PCYT1A: variants seen among roughly 807,000 people sequenced by gnomAD.
The protein encoded by PCYT1A is phosphate cytidylyltransferase 1A, choline, also known as choline-phosphate cytidylyltransferase A.
In PCYT1A, 25 loss-of-function variants were observed where a neutral mutation model predicts 43.7. The observed-to-expected ratio is 0.57, with a 90% CI of 0.42 to 0.80. The LOEUF is 0.80. Among genes scored for constraint, PCYT1A ranks in the 30% least tolerant of loss-of-function variants. PCYT1A has a pLI of 0.00. For synonymous variants in PCYT1A, 172 were observed against 170.7 expected (o/e 1.01, Z -0.06); for missense variants, 421 against 474.2 (o/e 0.89, Z 1.04).
rs539195184 is a variant in PCYT1A at position 196,243,678 on chromosome 3, C to T, written c.487-1038G>A. 9.7e-3 allele frequency among the ~76,000 whole-genome samples: 1,484 copies of T among 152,342 alleles called. 18 individuals are homozygous for T. The highest frequency in any genetic ancestry group is 0.032 in the African/African-American group (1,344 of 41,578). On this transcript the variant is annotated intron_variant, in intron 5 of 8. Transcript: ENST00000431016. ...CCTGCCCAGTGCCTGCCATTGCAGG[C>T]GCACGCCGCCACGCCTGACTGGTTT...
chr3:196,271,343 T>C (rs181060605), intron 1 of PCYT1A, among the ~76,000 whole-genome samples: 1 of 152,360 alleles, frequency 6.6e-6, no homozygotes, highest in East Asian at 1.9e-4. Context: ...AAAAGTTCTA[T>C]AGATTTCAGT....
intron 3 of PCYT1A, among the ~76,000 whole-genome samples, chr3:196,255,797 G>T (rs1041269384): frequency 6.6e-6 from 1 of 152,186 alleles, no homozygotes; most frequent in African/African-American, 2.4e-5. Flanking sequence ...ACTGGATAAT[G>T]CAACCCATCA....
At chr3:196,280,127 G>A (rs555482836) in intron 1 of PCYT1A, among the ~76,000 whole-genome samples, 38 of 152,198 alleles carry the variant, frequency 2.5e-4, no homozygotes, top group Admixed American at 1.4e-3. Flanking sequence ...CACCGCACCC[G>A]GCCTATCCAA....
At chr3:196,267,266 C>A in intron 2 of PCYT1A, 1 of 454,486 alleles carries the variant, frequency 2.2e-6, no homozygotes, top group South Asian at 1.6e-5. Context: ...AAGCCAGCCC[C>A]AAAGACCACA....
intron 3 of PCYT1A, among the ~76,000 whole-genome samples, chr3:196,254,998 T>A (rs1658425695): frequency 6.6e-6 from 1 of 152,230 alleles, no homozygotes; most frequent in Non-Finnish European, 1.5e-5. Context: ...ATATTTGTTT[T>A]TCTCTAAGTA....
In PCYT1A at chr3:196,239,676, C is replaced by A; in HGVS notation, c.768G>T (p.Val256=). 6.2e-7 allele frequency: 1 copy of A among 1,611,856 alleles called. No individual in the cohort carries two copies. The highest frequency in any genetic ancestry group is 8.5e-7 in the Non-Finnish European group (1 of 1,177,932). The change falls in exon 8 of 9, where the codon GTG becomes GTT. Residue 256 remains valine, a synonymous_variant. Transcript: ENST00000431016. ...GAACAAATTCTTTTGACTTTTCCTC[C>A]ACATCTTTCACTTTCTTCTTTACTT... ...VDKVKKKVKD[V]EEKSKEFVQK...
Position 196,268,892 on chromosome 3 carries a change from C to T in PCYT1A, c.117+1523G>A, listed in dbSNP as rs978381279. Among the ~76,000 whole-genome samples the T allele has an allele frequency of 6.6e-6, 1 of 152,024 alleles. No homozygotes were observed. Among genetic ancestry groups the T allele is most frequent in the African/African-American group, 2.4e-5 (1 of 41,384 alleles). Reference sequence around the variant, plus strand: ...ATTATTCTGGTTTATCTGGGTATACCGAACGTAATCACAAGAGTCCTTGTA... The same window carrying T: ...ATTATTCTGGTTTATCTGGGTATACTGAACGTAATCACAAGAGTCCTTGTA... On this transcript the variant is annotated intron_variant, in intron 2 of 8. Coordinates refer to ENST00000431016, the MANE Select transcript of PCYT1A (RefSeq NM_001312673.2). The surrounding 1 kb of genome is among the most constrained non-coding windows in gnomAD (Gnocchi z 4.4).
At chr3:196,262,188 A>G (rs371088865) in intron 2 of PCYT1A, among the ~76,000 whole-genome samples, 1 of 152,314 alleles carries the variant, frequency 6.6e-6, no homozygotes, top group African/African-American at 2.4e-5. Context: ...ACTATCTGGT[A>G]GTGAGGTATA....
chr3:196,262,814 T>C (rs1725155015), intron 2 of PCYT1A, among the ~76,000 whole-genome samples: 1 of 150,842 alleles, frequency 6.6e-6, no homozygotes, highest in South Asian at 2.1e-4. Flanking sequence ...CTTTTTTTTG[T>C]GAGACAGTCT....
chr3:196,264,807 T>C lies in PCYT1A; in HGVS notation c.117+5608A>G, dbSNP rs140886037. On this transcript the variant is annotated intron_variant, in intron 2 of 8. Coordinates refer to ENST00000431016, the MANE Select transcript of PCYT1A (RefSeq NM_001312673.2). The stretch of plus-strand genomic sequence containing the variant: ...ATAATTTCATACTGTATCATAATTA[T>C]TTGCTGCTGTTTCTTTCTCTTTTTT... 3.6e-3 allele frequency among the ~76,000 whole-genome samples: 546 copies of C among 152,324 alleles called. 2 individuals carry two copies. The highest frequency in any genetic ancestry group is 0.012 in the African/African-American group (519 of 41,574).
Position 196,242,490 on chromosome 3 carries a change from A to G in PCYT1A, c.565+72T>C. On this transcript the variant is annotated intron_variant, in intron 6 of 8. Transcript: ENST00000431016. The surrounding 1 kb of genome is among the most constrained non-coding windows in gnomAD (Gnocchi z 4.2). ...TTCTAATGTACACATTTTCCTCTGTAAAGCAGCAACATGGCTGAACATCTG... is the reference window on the plus strand; with the variant it reads ...TTCTAATGTACACATTTTCCTCTGTGAAGCAGCAACATGGCTGAACATCTG... The G allele has an allele frequency of 9.9e-7, 1 of 1,009,314 alleles. No individual in the cohort carries two copies. Among genetic ancestry groups the G allele is most frequent in the Non-Finnish European group, 1.6e-6 (1 of 627,652 alleles). The allele number at this position is 1,009,314 out of a possible 1,614,324, so 62.5% of individuals were successfully genotyped here.
chr3:196,248,409 T>C, intron 3 of PCYT1A, 86 bp from the exon 4 acceptor site: 1 of 783,036 alleles, frequency 1.3e-6, no homozygotes, highest in East Asian at 2.8e-5. Context: ...TCTCACTCTG[T>C]CACCCAGGCT....
chr3:196,271,642 C>A (rs1725437586), intron 1 of PCYT1A, among the ~76,000 whole-genome samples: 2 of 137,208 alleles, frequency 1.5e-5, no homozygotes, highest in Admixed American at 1.5e-4. Flanking sequence ...CTGTGTCACC[C>A]TGGCTAGAGT....
intron 2 of PCYT1A, among the ~76,000 whole-genome samples, chr3:196,262,125 C>G (rs1019095869): frequency 6.6e-6 from 1 of 152,174 alleles, no homozygotes; most frequent in African/African-American, 2.4e-5. Flanking sequence ...TAAAACACAT[C>G]TCCTTCATTT....
chr3:196,245,143 CTTTT>C (rs780768606), intron 5 of PCYT1A, among the ~76,000 whole-genome samples: 3 of 142,082 alleles, frequency 2.1e-5, no homozygotes, highest in Admixed American at 7.1e-5. Context: ...CATTTCACTA[CTTTT>C]TTTTTTTTTT....
chr3:196,238,820 A>G lies in PCYT1A; in HGVS notation c.972T>C (p.Pro324=). The G allele has an allele frequency of 3.8e-6, 6 of 1,572,422 alleles. No individual in the cohort carries two copies. Among genetic ancestry groups the G allele is most frequent in the African/African-American group, 1.4e-5 (1 of 72,756 alleles). Residue 324 remains proline (P), a synonymous_variant, in exon 9 of 9, where the codon CCT becomes CCC. Transcript: ENST00000431016. ...ISPKQSPSSS[P]TRERSPSPSF... ...AGGGGGAGGGGGAGCGCTCGCGAGTAGGGCTGCTGCTGGGGCTCTGCTTCG... is the reference window on the plus strand; with the variant it reads ...AGGGGGAGGGGGAGCGCTCGCGAGTGGGGCTGCTGCTGGGGCTCTGCTTCG...
chr3:196,246,779 AG>A (rs1724581774), intron 5 of PCYT1A, among the ~76,000 whole-genome samples: 1 of 152,208 alleles, frequency 6.6e-6, no homozygotes, highest in Non-Finnish European at 1.5e-5. Context: ...GCATGTTCTA[AG>A]GGTAGATGTG....
intron 5 of PCYT1A, among the ~76,000 whole-genome samples, chr3:196,243,699 G>A (rs1028151778): frequency 1.3e-5 from 2 of 152,270 alleles, no homozygotes; most frequent in African/African-American, 4.8e-5. Flanking sequence ...ACGCCTGACT[G>A]GTTTTCGTAT....
intron 5 of PCYT1A, among the ~76,000 whole-genome samples, chr3:196,244,642 G>A (rs1037816787): frequency 8.5e-5 from 13 of 152,330 alleles, no homozygotes; most frequent in African/African-American, 2.9e-4. Context: ...CGGTTTTGTC[G>A]AATAGAAAAG....
Sources: gnomAD v4.1 joint callset for allele counts (sites outside exome capture counted in the v4.1 genomes callset) on GRCh38, gnomAD v4.1.1 for gene constraint, Gnocchi (gnomAD v3.1) non-coding constraint, MANE v1.5 for transcripts, NCBI Gene and HGNC (gene_info 2026-07-23, HGNC 2026-07-21) for gene names.